The following MDM4 variants were observed in gnomAD, a reference collection of about 807,000 sequenced individuals.
MDM4 encodes protein Mdm4.
MDM4 carries 2 observed loss-of-function variants against 60.2 expected under a neutral mutation model. That is an observed-to-expected ratio of 0.03 (90% CI 0.01 to 0.10). The LOEUF is 0.10. Ranked by LOEUF, MDM4 falls within the 10% of genes least tolerant of loss-of-function variation. The pLI is 1.00. For missense variants in MDM4, 447 were observed against 577.5 expected, an observed-to-expected ratio of 0.77 and a Z score of 2.32; for synonymous variants, 202 against 198.1, an observed-to-expected ratio of 1.02 and a Z score of -0.17.
intron 2 of MDM4, 92 bp downstream of exon 2, chr1:204,525,688 T>A: frequency 2.3e-6 from 2 of 863,688 alleles, no homozygotes; most frequent in Non-Finnish European, 3.5e-6. Flanking sequence ...TCCCAGCACT[T>A]TGAGAAGTCA....
chr1:204,518,778 G>C (rs1219620451), intron 1 of MDM4, among the ~76,000 whole-genome samples: 1 of 152,200 alleles, frequency 6.6e-6, no homozygotes, highest in Non-Finnish European at 1.5e-5. Flanking sequence ...CTATTCTTCT[G>C]CCGCAGCCAC....
At position 204,557,661 on chromosome 1, in the gene MDM4, CAA is replaced by C. The variant is rs1156349910; in HGVS notation, c.*7981_*7982del. 3.4e-5 allele frequency: 6 copies of C among 178,306 alleles called. No homozygotes were observed. The highest frequency in any genetic ancestry group is 6.0e-5 in the Non-Finnish European group (5 of 83,104). The allele number at this position is 178,306 out of a possible 1,614,324, so 11.0% of individuals were successfully genotyped here. A position where few individuals can be genotyped will look rare whatever the true frequency, so the allele number is the denominator to read the frequency against. ...AGGCGATCTGCCCGCCTTGGCCTCC[CAA>C]AGTACTGGGATTACAGGCGTGAGCA... is the stretch of plus-strand genomic sequence containing the variant. On this transcript the variant is annotated 3_prime_UTR_variant, in exon 11 of 11. Transcript: ENST00000367182.
intron 3 of MDM4, chr1:204,528,723 C>T: frequency 1.5e-6 from 1 of 668,684 alleles, no homozygotes; most frequent in Admixed American, 2.4e-5. Flanking sequence ...AGTGTTGCAT[C>T]AAGCAAGGGA....
At chr1:204,540,649 G>T (rs1172799467) in intron 7 of MDM4, among the ~76,000 whole-genome samples, 1 of 152,008 alleles carries the variant, frequency 6.6e-6, no homozygotes, top group African/African-American at 2.4e-5. Flanking sequence ...TGTAATCCCA[G>T]CTACTCGGGA....
At chr1:204,528,400 T>C (rs1203086800) in intron 3 of MDM4, among the ~76,000 whole-genome samples, 2 of 152,172 alleles carry the variant, frequency 1.3e-5, no homozygotes, top group Non-Finnish European at 2.9e-5. Flanking sequence ...TCATGCTTGG[T>C]CAGATTCCAC....
At chr1:204,535,679 C>G (rs975401297) in intron 5 of MDM4, among the ~76,000 whole-genome samples, 4 of 151,866 alleles carry the variant, frequency 2.6e-5, no homozygotes, top group Admixed American at 6.6e-5. Flanking sequence ...ATTACAGGTG[C>G]GCACCACCAA....
rs540986573 is a variant in MDM4, at chr1:204,551,438, A to G, written c.*1756A>G. On this transcript the variant is annotated 3_prime_UTR_variant, in exon 11 of 11. Coordinates refer to ENST00000367182, the MANE Select transcript of MDM4 (RefSeq NM_002393.5). ...ACACCAAGGCAATACGCCTTGATAT[A>G]CTGGATGGTTGAGAGGCAGCCTCTT... 5.2e-6 allele frequency: 1 copy of G among 190,592 alleles called. No homozygotes were observed. Among genetic ancestry groups the G allele is most frequent in the East Asian group, 7.8e-5 (1 of 12,808 alleles). The allele number at this position is 190,592 out of a possible 1,614,324, so 11.8% of individuals were successfully genotyped here.
intron 3 of MDM4, among the ~76,000 whole-genome samples, chr1:204,530,222 C>A (rs770581329): frequency 3.3e-5 from 5 of 152,166 alleles, no homozygotes; most frequent in Non-Finnish European, 7.4e-5. Flanking sequence ...TGTCCACTTA[C>A]AATGCTGATG....
At position 204,549,662 on chromosome 1, in the gene MDM4, A is replaced by G; in HGVS notation, c.1453A>G (p.Ile485Val). Residue 485 changes from isoleucine to valine, a missense_variant, in exon 11 of 11, where the codon ATT (isoleucine) becomes GTT (valine). Physicochemically the swap from Ile to Val is conservative, Grantham distance 29 (BLOSUM62 3). Transcript: ENST00000367182. ...PICKKEIQLV[I>V]KVFIA ...TTGCAAGAAAGAGATTCAGCTGGTTATTAAGGTTTTTATAGCATAATGGTA... is the reference window on the plus strand; with the variant it reads ...TTGCAAGAAAGAGATTCAGCTGGTTGTTAAGGTTTTTATAGCATAATGGTA... 3 of 1,566,240 alleles carry G rather than the reference A, an allele frequency of 1.9e-6. No homozygotes were observed. The highest frequency in any genetic ancestry group is 2.6e-6 in the Non-Finnish European group (3 of 1,161,242).
At position 204,554,650 on chromosome 1, in the gene MDM4, G is replaced by A. The variant is rs891783079; in HGVS notation, c.*4968G>A. The A allele has an allele frequency of 8.8e-6, 2 of 227,486 alleles. No homozygotes were observed. Among genetic ancestry groups the A allele is most frequent in the African/African-American group, 4.4e-5 (2 of 45,062 alleles). The allele number at this position is 227,486 out of a possible 1,614,324, so 14.1% of individuals were successfully genotyped here. A position where few individuals can be genotyped will look rare whatever the true frequency, so the allele number is the denominator to read the frequency against. On this transcript the variant is annotated 3_prime_UTR_variant, in exon 11 of 11. Coordinates refer to ENST00000367182, the MANE Select transcript of MDM4 (RefSeq NM_002393.5). ...TTAGCAGATGAGGGGGAATATTGAG[G>A]CCCCTAAGGCTAAACAAAATAATCA... is the stretch of plus-strand genomic sequence containing the variant.
At chr1:204,532,124 G>T in intron 4 of MDM4, 67 bp from the exon 5 acceptor site, 1 of 933,464 alleles carries the variant, frequency 1.1e-6, no homozygotes, top group Non-Finnish European at 1.7e-6. Context: ...AATATTTAAC[G>T]GCAAACCACT....
intron 1 of MDM4, among the ~76,000 whole-genome samples, chr1:204,520,277 C>CAAAAAA (rs35340106): frequency 1.5e-5 from 1 of 65,524 alleles, no homozygotes. Context: ...GACTCCATCT[C>CAAAAAA]AAAAAAAAAA....
chr1:204,556,763 T>G lies in MDM4; in HGVS notation c.*7081T>G, dbSNP rs780940895. 1 of 214,524 alleles carries G rather than the reference T, an allele frequency of 4.7e-6. No homozygotes were observed. Among genetic ancestry groups the G allele is most frequent in the Non-Finnish European group, 9.4e-6 (1 of 106,346 alleles). The allele number at this position is 214,524 out of a possible 1,614,324, so 13.3% of individuals were successfully genotyped here. A position where few individuals can be genotyped will look rare whatever the true frequency, so the allele number is the denominator to read the frequency against. ...CTGTAGTTTGCCTCATTTTTTCACTTTCTTTTCAATGAGAATCGAAGTGTT... is the reference window on the plus strand; with the variant it reads ...CTGTAGTTTGCCTCATTTTTTCACTGTCTTTTCAATGAGAATCGAAGTGTT... On this transcript the variant is annotated 3_prime_UTR_variant, in exon 11 of 11. Coordinates refer to ENST00000367182, the MANE Select transcript of MDM4 (RefSeq NM_002393.5).
Position 204,549,460 on chromosome 1 carries a change from T to G in MDM4, c.1251T>G (p.Leu417=), listed in dbSNP as rs997452798. ...ISSMGEQLDN[L]SEQRTDTENM... ...GCATGGGAGAACAGTTAGATAACCT[T>G]TCTGAACAGAGAACAGATACAGAAA... Residue 417 remains leucine (L), a synonymous_variant, in exon 11 of 11, where the codon CTT becomes CTG. Transcript: ENST00000367182. 3.7e-6 allele frequency: 6 copies of G among 1,611,622 alleles called. No homozygotes were observed. Among genetic ancestry groups the G allele is most frequent in the African/African-American group, 1.3e-5 (1 of 74,720 alleles).
chr1:204,523,783 A>G (rs1402361332), intron 1 of MDM4, among the ~76,000 whole-genome samples: 2 of 152,166 alleles, frequency 1.3e-5, no homozygotes, highest in African/African-American at 4.8e-5. Flanking sequence ...TTTTACTTCT[A>G]TGGAAGGGTG....
intron 10 of MDM4, among the ~76,000 whole-genome samples, chr1:204,548,537 T>A (rs983160057): frequency 6.6e-6 from 1 of 152,184 alleles, no homozygotes; most frequent in Non-Finnish European, 1.5e-5. Flanking sequence ...TATGGAGAAG[T>A]AGGGAAAAAT....
intron 7 of MDM4, among the ~76,000 whole-genome samples, chr1:204,542,201 A>C (rs1039902918): frequency 1.1e-4 from 17 of 152,226 alleles, no homozygotes; most frequent in Admixed American, 2.6e-4. Flanking sequence ...AGTGTTTTAT[A>C]GTGGTTGTTA....
intron 7 of MDM4, among the ~76,000 whole-genome samples, chr1:204,539,246 A>G (rs1052346673): frequency 5.3e-5 from 8 of 152,078 alleles, no homozygotes; most frequent in East Asian, 3.9e-4. Flanking sequence ...TCAGCCTCCT[A>G]AAGTGCTGGG....
At chr1:204,525,380 T>C in intron 1 of MDM4, 104 bp from the exon 2 acceptor site, 1 of 1,433,500 alleles carries the variant, frequency 7.0e-7, no homozygotes. Flanking sequence ...CTCCATTATA[T>C]GTGTCATATG....
Sources: allele counts gnomAD v4.1 joint callset (sites outside exome capture counted in the v4.1 genomes callset), GRCh38; gene constraint gnomAD v4.1.1; transcripts MANE v1.5; gene names NCBI Gene and HGNC (gene_info 2026-07-23, HGNC 2026-07-21).